Variants in DOK7 observed in about 807,000 individuals in gnomAD.
The protein encoded by DOK7 is protein Dok-7.
DOK7 carries 32 observed loss-of-function variants against 30.7 expected under a neutral mutation model. The ratio of observed to expected loss-of-function variants is 1.04; its 90% CI spans 0.79 to 1.40. The LOEUF (loss-of-function observed/expected upper bound fraction) is 1.40, where lower values mean the gene tolerates loss of function less well. DOK7 is among the 40% of genes most tolerant of loss of function. DOK7 has a pLI of 0.00. For synonymous variants in DOK7, 447 were observed against 324.1 expected, an observed-to-expected ratio of 1.38 and a Z score of -4.07; for missense variants, 1,007 against 699.2, an observed-to-expected ratio of 1.44 and a Z score of -4.97.
intron 4 of DOK7, chr4:3,484,788 G>T: frequency 2.0e-6 from 2 of 985,554 alleles, no homozygotes; most frequent in Non-Finnish European, 2.4e-6. Context: ...GATGACCGAG[G>T]AGGTGGGGAG....
At chr4:3,466,703 C>T (rs945626603) in intron 2 of DOK7, among the ~76,000 whole-genome samples, 4 of 152,182 alleles carry the variant, frequency 2.6e-5, no homozygotes, top group Admixed American at 6.5e-5. Flanking sequence ...TGACCTGGGA[C>T]GGCTCATTCC....
chr4:3,469,851 G>C (rs971395676), intron 2 of DOK7, among the ~76,000 whole-genome samples: 2 of 152,198 alleles, frequency 1.3e-5, no homozygotes, highest in East Asian at 1.9e-4. Flanking sequence ...CGGCCTGAGC[G>C]TGAGGGGGTG....
downstream of DOK7, among the ~76,000 whole-genome samples, chr4:3,494,990 C>CT (rs1203427975): frequency 1.3e-5 from 2 of 152,202 alleles, no homozygotes; most frequent in African/African-American, 2.4e-5. Flanking sequence ...GGGACTGACT[C>CT]TGAGCGGGGA....
exon 8 of DOK7, chr4:3,500,956 G>C: frequency 7.4e-7 from 1 of 1,351,724 alleles, no homozygotes; most frequent in Non-Finnish European, 9.7e-7. Context: ...AGGCATGGCC[G>C]GTCTCCGGGC....
chr4:3,490,630 TCC>T (rs1728283876), intron 6 of DOK7, among the ~76,000 whole-genome samples: 2 of 36,014 alleles, frequency 5.6e-5, no homozygotes, highest in East Asian at 5.0e-4. Flanking sequence ...TCCTTCCCTC[TCC>T]GCCTGCTCGT....
At chr4:3,490,354 C>CCCT (rs1184804804) in intron 6 of DOK7, among the ~76,000 whole-genome samples, 1 of 107,626 alleles carries the variant, frequency 9.3e-6, no homozygotes, top group Admixed American at 9.5e-5. Flanking sequence ...CTTTTCCCCA[C>CCCT]ACTCATTCAT....
At chr4:3,490,537 GTTCC>G (rs1560227334) in intron 6 of DOK7, among the ~76,000 whole-genome samples, 1 of 56,274 alleles carries the variant, frequency 1.8e-5, no homozygotes, top group Non-Finnish European at 3.1e-5. Context: ...CCGCTCATTC[GTTCC>G]TTCCTTCTCC....
chr4:3,496,099 G>A (rs571763735), downstream of DOK7, among the ~76,000 whole-genome samples: 59 of 152,338 alleles, frequency 3.9e-4, no homozygotes, highest in African/African-American at 1.4e-3. Context: ...TCTTGGGCTG[G>A]CCCCGCTTCT....
rs373041663 is a variant in DOK7, at chr4:3,492,958, G to A, written c.972G>A (p.Pro324=). Residue 324 remains proline (P), a synonymous_variant, in exon 7 of 7, where the codon CCG becomes CCA. Coordinates refer to ENST00000340083, the MANE Select transcript of DOK7 (RefSeq NM_173660.5). The part of the protein sequence containing the change: ...ASRPPPKPLR[P]RQLQEVGRQS... ...GGCCACCCCCCAAGCCGCTGCGTCCGCGGCAGCTGCAGGAGGTTGGCCGCC... is the reference window on the plus strand; with the variant it reads ...GGCCACCCCCCAAGCCGCTGCGTCCACGGCAGCTGCAGGAGGTTGGCCGCC... 158 of 1,552,650 alleles carry A rather than the reference G, an allele frequency of 1.0e-4. No individual in the cohort carries two copies. The African/African-American group carries it at 1.2e-3, about 12-fold the overall frequency.
chr4:3,472,869 C>A (rs1000934938), intron 2 of DOK7, among the ~76,000 whole-genome samples: 1 of 152,198 alleles, frequency 6.6e-6, no homozygotes, highest in East Asian at 1.9e-4. Context: ...ATCGACCTCC[C>A]CTACCCCCTG....
chr4:3,464,989 G>A (rs900129054), intron 2 of DOK7, among the ~76,000 whole-genome samples: 6 of 152,192 alleles, frequency 3.9e-5, no homozygotes, highest in Non-Finnish European at 7.4e-5. Flanking sequence ...CAGCCTTCTG[G>A]GGCTGGCGTG....
At chr4:3,468,805 TGC>T (rs1165513006) in intron 2 of DOK7, among the ~76,000 whole-genome samples, 10 of 147,700 alleles carry the variant, frequency 6.8e-5, no homozygotes, top group Non-Finnish European at 1.3e-4. Flanking sequence ...TGTCTGTGTG[TGC>T]CTGTGTGTGT....
At chr4:3,489,896 C>G in intron 6 of DOK7, 100 bp downstream of exon 6, 2 of 1,490,186 alleles carry the variant, frequency 1.3e-6, no homozygotes, top group South Asian at 1.3e-5. Context: ...CAGGCTCCCT[C>G]TGCTCATTCA....
chr4:3,494,089 G>T lies in DOK7; in HGVS notation c.*588G>T. 1 of 986,602 alleles carries T rather than the reference G, an allele frequency of 1.0e-6. No individual in the cohort carries two copies. Among genetic ancestry groups the T allele is most frequent in the Non-Finnish European group, 1.2e-6 (1 of 830,828 alleles). The allele number at this position is 986,602 out of a possible 1,614,324, so 61.1% of individuals were successfully genotyped here. A position where few individuals can be genotyped will look rare whatever the true frequency, so the allele number is the denominator to read the frequency against. Reference sequence around the variant, plus strand: ...TGGCTTGCGGGGTCTCTGGGTTCTGGGCCCCACTGTTCCCCAGTGAAGCCC... The same window carrying T: ...TGGCTTGCGGGGTCTCTGGGTTCTGTGCCCCACTGTTCCCCAGTGAAGCCC... On this transcript the variant is annotated 3_prime_UTR_variant, in exon 7 of 7. Coordinates refer to ENST00000340083, the MANE Select transcript of DOK7 (RefSeq NM_173660.5).
intron 2 of DOK7, among the ~76,000 whole-genome samples, chr4:3,466,413 C>G (rs932695765): frequency 3.3e-5 from 5 of 152,184 alleles, no homozygotes; most frequent in Non-Finnish European, 7.4e-5. Context: ...TGGGGCCCTG[C>G]CCTCCACAGC....
Position 3,463,386 on chromosome 4 carries a change from C to T in DOK7, c.11C>T (p.Ala4Val). Reference protein sequence around the residue: MTEAALVEGQVKLR... With the variant: MTEVALVEGQVKLR... Reference sequence around the variant, plus strand: ...GAACCATGACAGAAGATGACCGAGGCGGCGCTGGTGGAGGGCCAGGTCAAG... The same window carrying T: ...GAACCATGACAGAAGATGACCGAGGTGGCGCTGGTGGAGGGCCAGGTCAAG... Residue 4 changes from alanine (A) to valine (V), a missense_variant, in exon 1 of 7, where the codon GCG becomes GTG. By Grantham distance (64) the Ala-to-Val change is moderately conservative. Transcript: ENST00000340083. 7.2e-7 allele frequency: 1 copy of T among 1,385,314 alleles called. No homozygotes were observed. The highest frequency in any genetic ancestry group is 9.3e-7 in the Non-Finnish European group (1 of 1,072,374). 85.8% of individuals were successfully genotyped at this position (1,385,314 alleles called of 1,614,324 possible).
chr4:3,498,930 G>A (rs1035219019), downstream of DOK7, among the ~76,000 whole-genome samples: 6 of 152,326 alleles, frequency 3.9e-5, no homozygotes, highest in East Asian at 1.9e-4. Flanking sequence ...GCTCCATCTC[G>A]CTCTGTCCCA....
intron 2 of DOK7, among the ~76,000 whole-genome samples, chr4:3,469,654 G>T (rs1258944142): frequency 1.3e-5 from 2 of 152,218 alleles, no homozygotes; most frequent in Non-Finnish European, 2.9e-5. Context: ...CACACGTGCT[G>T]TGTCCCAGGG....
At chr4:3,477,246 C>T (rs79448283) in intron 4 of DOK7, among the ~76,000 whole-genome samples, 6 of 152,342 alleles carry the variant, frequency 3.9e-5, no homozygotes, top group East Asian at 3.9e-4. Flanking sequence ...GCAGTCCCCG[C>T]GGAGGGTGTG....
Sources: gnomAD v4.1 joint callset for allele counts (sites outside exome capture counted in the v4.1 genomes callset) on GRCh38, gnomAD v4.1.1 for gene constraint, MANE v1.5 for transcripts, NCBI Gene and HGNC (gene_info 2026-07-23, HGNC 2026-07-21) for gene names.